Variants in NCAM1 observed in about 807,000 individuals in gnomAD.
The protein encoded by NCAM1 is antigen recognized by monoclonal antibody 5.1H11.
In NCAM1, 14 loss-of-function variants were observed where a neutral mutation model predicts 109.8. That is an observed-to-expected ratio of 0.13 (90% CI 0.08 to 0.20). The LOEUF is 0.20. Ranked by LOEUF, NCAM1 falls within the 10% of genes least tolerant of loss-of-function variation. NCAM1 has a pLI of 1.00. For synonymous variants in NCAM1, 418 were observed against 442.9 expected (o/e 0.94, Z 0.70); for missense variants, 774 against 1,109.9 (o/e 0.70, Z 4.30).
intron 1 of NCAM1, among the ~76,000 whole-genome samples, chr11:113,155,895 A>T (rs1410973809): frequency 1.3e-5 from 2 of 152,042 alleles, no homozygotes; most frequent in East Asian, 3.9e-4. Flanking sequence ...CAACTTGCTG[A>T]TGGAGACGTT....
chr11:113,035,476 T>C (rs112633044), intron 1 of NCAM1, among the ~76,000 whole-genome samples: 3 of 152,312 alleles, frequency 2.0e-5, no homozygotes, highest in African/African-American at 7.2e-5. Context: ...CAGATTTTTA[T>C]AAAGATGACC....
intron 17 of NCAM1, among the ~76,000 whole-genome samples, chr11:113,261,804 TG>T (rs1262059719): frequency 6.6e-6 from 1 of 152,166 alleles, no homozygotes; most frequent in Admixed American, 6.5e-5. Flanking sequence ...AATTGCTCCC[TG>T]GGGTGAGACT....
At chr11:113,135,981 T>C (rs1385695822) in intron 1 of NCAM1, among the ~76,000 whole-genome samples, 8 of 152,218 alleles carry the variant, frequency 5.3e-5, no homozygotes, top group Non-Finnish European at 7.3e-5. Context: ...CACTGGACAC[T>C]TAACTTGCTC....
At chr11:113,077,387 C>T (rs1358906981) in intron 1 of NCAM1, among the ~76,000 whole-genome samples, 1 of 152,172 alleles carries the variant, frequency 6.6e-6, no homozygotes, top group Non-Finnish European at 1.5e-5. Context: ...TGGGTGAGTG[C>T]TTGACTTATC....
At chr11:113,172,039 A>T (rs1370581638) in intron 1 of NCAM1, among the ~76,000 whole-genome samples, 1 of 152,170 alleles carries the variant, frequency 6.6e-6, no homozygotes, top group Admixed American at 6.5e-5. Context: ...AGTTACCTGG[A>T]CAGTACCATA....
Position 113,255,867 on chromosome 11 carries a change from G to T in NCAM1, c.1829-10G>T. The T allele has an allele frequency of 6.2e-7, 1 of 1,612,036 alleles. No individual in the cohort carries two copies. Among genetic ancestry groups the T allele is most frequent in the Non-Finnish European group, 8.5e-7 (1 of 1,179,128 alleles). On this transcript the variant is annotated splice_polypyrimidine_tract_variant and intron_variant, in intron 15 of 19. Coordinates refer to ENST00000316851, the MANE Select transcript of NCAM1 (RefSeq NM_181351.5). ...ATGAGAATTTCATGTGAATTAACTG[G>T]CTGTTTCAGGGGAACCCAGTGCACC...
At chr11:113,184,688 G>A (rs1943440851) in intron 1 of NCAM1, among the ~76,000 whole-genome samples, 1 of 151,986 alleles carries the variant, frequency 6.6e-6, no homozygotes, top group African/African-American at 2.4e-5. Context: ...GGGAGCTTTG[G>A]ACATGACTCA....
intron 1 of NCAM1, among the ~76,000 whole-genome samples, chr11:113,077,437 T>G (rs781935230): frequency 2.6e-5 from 4 of 152,206 alleles, no homozygotes; most frequent in Non-Finnish European, 4.4e-5. Flanking sequence ...TGTATACGCT[T>G]CTTCTCTGAA....
At chr11:113,230,269 A>G (rs115546591) in intron 9 of NCAM1, among the ~76,000 whole-genome samples, 2,007 of 152,242 alleles carry the variant, frequency 0.013, 32 homozygotes, top group African/African-American at 0.039. Flanking sequence ...ACCAACCAGC[A>G]TCCCAGATTT....
intron 1 of NCAM1, among the ~76,000 whole-genome samples, chr11:113,097,699 G>A (rs797026871): frequency 3.7e-4 from 56 of 150,740 alleles, no homozygotes; most frequent in Admixed American, 1.1e-3. Flanking sequence ...CAATTAAATG[G>A]TTCCTTAAAG....
rs1187545169 is a variant in NCAM1, at chr11:113,270,601, A to T, written c.2339+206A>T. The T allele has an allele frequency of 6.8e-6, 4 of 585,510 alleles. No homozygotes were observed. In the East Asian group the frequency reaches 1.1e-4, roughly 17 times the overall value. The allele number at this position is 585,510 out of a possible 1,614,324, so 36.3% of individuals were successfully genotyped here. ...TACCTGTTTGAAATGTAGACTCTTG[A>T]GCCCAATCCCAGATCTCTTGTATTA... On this transcript the variant is annotated intron_variant, in intron 18 of 19. Coordinates refer to ENST00000316851, the MANE Select transcript of NCAM1 (RefSeq NM_181351.5).
chr11:113,055,637 C>T (rs964716422), intron 1 of NCAM1, among the ~76,000 whole-genome samples: 21 of 152,206 alleles, frequency 1.4e-4, no homozygotes, highest in Non-Finnish European at 2.9e-4. Flanking sequence ...CCTGTGATCC[C>T]CACCTCCTGG....
intron 1 of NCAM1, among the ~76,000 whole-genome samples, chr11:113,017,334 T>C (rs1319104815): frequency 6.6e-6 from 1 of 152,234 alleles, no homozygotes; most frequent in Non-Finnish European, 1.5e-5. Context: ...ACAAACTTTT[T>C]TAAAAGGCAG....
At chr11:113,097,554 T>C (rs565933852) in intron 1 of NCAM1, among the ~76,000 whole-genome samples, 3 of 151,956 alleles carry the variant, frequency 2.0e-5, no homozygotes, top group East Asian at 3.9e-4. Context: ...GCCAGCTTCA[T>C]TGGGAACTCT....
chr11:113,263,281 A>T, intron 17 of NCAM1: 3 of 1,018,822 alleles, frequency 2.9e-6, no homozygotes, highest in Non-Finnish European at 3.5e-6. Context: ...ATGATGTAGC[A>T]GAGGAAGAAT....
chr11:113,183,566 A>G (rs941693833), intron 1 of NCAM1, among the ~76,000 whole-genome samples: 4 of 152,220 alleles, frequency 2.6e-5, no homozygotes, highest in Non-Finnish European at 4.4e-5. Context: ...TAGGTAAATT[A>G]TAGTCTGGCT....
intron 1 of NCAM1, among the ~76,000 whole-genome samples, chr11:113,142,947 G>A (rs1941883327): frequency 6.6e-6 from 1 of 152,056 alleles, no homozygotes; most frequent in Non-Finnish European, 1.5e-5. Flanking sequence ...TTCCATATTT[G>A]CTCTTTCTAT....
chr11:113,075,358 CT>C (rs1938482768), intron 1 of NCAM1, among the ~76,000 whole-genome samples: 1 of 152,172 alleles, frequency 6.6e-6, no homozygotes, highest in Non-Finnish European at 1.5e-5. Context: ...GTGTGAACTA[CT>C]GCACCTGGTC....
intron 1 of NCAM1, among the ~76,000 whole-genome samples, chr11:113,002,493 A>G (rs1234100597): frequency 6.6e-6 from 1 of 152,198 alleles, no homozygotes; most frequent in Non-Finnish European, 1.5e-5. Flanking sequence ...TACAAAATGA[A>G]TGTGGGAAGA....
Sources: gnomAD v4.1 joint callset for allele counts (sites outside exome capture counted in the v4.1 genomes callset) on GRCh38, gnomAD v4.1.1 for gene constraint, MANE v1.5 for transcripts, NCBI Gene and HGNC (gene_info 2026-07-23, HGNC 2026-07-21) for gene names.